Variants in RAPGEF4 observed in about 807,000 individuals in gnomAD.
The protein encoded by RAPGEF4 is RAP guanine-nucleotide-exchange factor (GEF) 4.
RAPGEF4 carries 66 observed loss-of-function variants against 147.9 expected under a neutral mutation model. That is an observed-to-expected ratio of 0.45 (90% CI 0.37 to 0.55). The LOEUF is 0.55. Ranked by LOEUF, RAPGEF4 falls within the 20% of genes least tolerant of loss-of-function variation. RAPGEF4 has a pLI of 0.00. For synonymous variants in RAPGEF4, 419 were observed against 442.7 expected (o/e 0.95, Z 0.67); for missense variants, 1,071 against 1,257.3 (o/e 0.85, Z 2.24).
intron 6 of RAPGEF4, among the ~76,000 whole-genome samples, chr2:172,960,427 G>A (rs1559146324): frequency 6.6e-6 from 1 of 152,000 alleles, no homozygotes; most frequent in Non-Finnish European, 1.5e-5. Context: ...TGTTTATCTT[G>A]TTTTGCTTTT....
intron 4 of RAPGEF4, among the ~76,000 whole-genome samples, chr2:172,870,243 G>A (rs1425700802): frequency 3.9e-5 from 6 of 152,016 alleles, no homozygotes; most frequent in South Asian, 4.2e-4. Context: ...ATCATGACCC[G>A]GTACACTATA....
chr2:172,864,374 T>A (rs56407806), intron 4 of RAPGEF4, among the ~76,000 whole-genome samples: 1 of 152,072 alleles, frequency 6.6e-6, no homozygotes, highest in Non-Finnish European at 1.5e-5. Flanking sequence ...GGAAAGAACA[T>A]TGGGCTTCAT....
intron 3 of RAPGEF4, among the ~76,000 whole-genome samples, chr2:172,807,248 T>C (rs1439798803): frequency 6.6e-6 from 1 of 152,246 alleles, no homozygotes; most frequent in African/African-American, 2.4e-5. Flanking sequence ...CAAAACTGCG[T>C]CACAATGCTG....
chr2:172,957,552 G>A (rs1688865810), intron 6 of RAPGEF4, among the ~76,000 whole-genome samples: 1 of 152,216 alleles, frequency 6.6e-6, no homozygotes, highest in South Asian at 2.1e-4. Flanking sequence ...GTGGTATATT[G>A]CCTAACTGAA....
chr2:172,833,180 G>A (rs181919664), intron 4 of RAPGEF4, among the ~76,000 whole-genome samples: 75 of 150,324 alleles, frequency 5.0e-4, no homozygotes, highest in African/African-American at 1.7e-3. Context: ...CTCCAGCCTG[G>A]GCGACAGAGC....
At chr2:172,928,554 T>C (rs3769258) in intron 6 of RAPGEF4, among the ~76,000 whole-genome samples, 74,293 of 152,034 alleles carry the variant, frequency 0.49, 19,106 homozygotes, top group East Asian at 0.68. Context: ...TGATGATTCA[T>C]TGCTATATTT....
At chr2:172,751,588 T>G (rs1192755985) in intron 1 of RAPGEF4, among the ~76,000 whole-genome samples, 1 of 152,098 alleles carries the variant, frequency 6.6e-6, no homozygotes, top group African/African-American at 2.4e-5. Context: ...GGGAAGAGAC[T>G]GAGGGGTAGT....
intron 1 of RAPGEF4, among the ~76,000 whole-genome samples, chr2:172,782,476 A>T (rs996672179): frequency 6.6e-6 from 1 of 152,172 alleles, no homozygotes; most frequent in African/African-American, 2.4e-5. Context: ...GAAGGACCTG[A>T]CTCAAGAGAG....
intron 11 of RAPGEF4, 133 bp from the exon 12 acceptor site, chr2:172,985,300 A>G (rs1575445414): frequency 2.5e-6 from 3 of 1,218,782 alleles, no homozygotes; most frequent in East Asian, 4.8e-5. Flanking sequence ...TGAGAGCAGC[A>G]GCAAGAGAGG....
At chr2:172,866,069 G>T (rs1253805162) in intron 4 of RAPGEF4, among the ~76,000 whole-genome samples, 2 of 151,900 alleles carry the variant, frequency 1.3e-5, no homozygotes, top group African/African-American at 4.8e-5. Context: ...ATCCCCAGTG[G>T]ATCCTTCTCA....
At chr2:173,004,265 C>A (rs1694230227) in intron 17 of RAPGEF4, among the ~76,000 whole-genome samples, 1 of 152,106 alleles carries the variant, frequency 6.6e-6, no homozygotes, top group Admixed American at 6.5e-5. Context: ...ATTCATTAGA[C>A]ACAGTTTGGA....
intron 1 of RAPGEF4, among the ~76,000 whole-genome samples, chr2:172,737,375 CA>C (rs1481687247): frequency 3.3e-5 from 5 of 152,074 alleles, no homozygotes; most frequent in Non-Finnish European, 7.4e-5. Context: ...TTTAATAGTT[CA>C]GGAAAAAGGA....
chr2:172,840,729 G>A (rs1691489310), intron 4 of RAPGEF4, among the ~76,000 whole-genome samples: 1 of 152,252 alleles, frequency 6.6e-6, no homozygotes, highest in African/African-American at 2.4e-5. Context: ...AAAGCATCAA[G>A]TGAAGCTGCC....
At position 173,024,438 on chromosome 2, in the gene RAPGEF4, C is replaced by T. The variant is rs559464326; in HGVS notation, c.2254-2134C>T. The stretch of plus-strand genomic sequence containing the variant: ...TTCACCGTTTTAGCCAGGATGGTCT[C>T]GATCTCCTGACCTCGTGATCCGCCC... On this transcript the variant is annotated intron_variant, in intron 23 of 30. Transcript: ENST00000397081. Among the ~76,000 whole-genome samples the T allele has an allele frequency of 1.0e-4, 14 of 140,660 alleles. 1 individual carries two copies. The South Asian group carries it at 2.2e-3, about 22-fold the overall frequency. The allele number at this position is 140,660 out of a possible 152,430, so 92.3% of individuals were successfully genotyped here.
intron 3 of RAPGEF4, among the ~76,000 whole-genome samples, chr2:172,807,755 G>A (rs1194806387): frequency 1.3e-5 from 2 of 152,158 alleles, no homozygotes; most frequent in African/African-American, 2.4e-5. Flanking sequence ...AACATAGCAA[G>A]ACCTCATCTC....
intron 4 of RAPGEF4, among the ~76,000 whole-genome samples, chr2:172,890,545 T>A (rs1484283467): frequency 6.6e-6 from 1 of 152,192 alleles, no homozygotes; most frequent in Non-Finnish European, 1.5e-5. Flanking sequence ...CATTTAGAAC[T>A]TCATCCATTA....
At chr2:172,837,236 C>T (rs1691050559) in intron 4 of RAPGEF4, among the ~76,000 whole-genome samples, 1 of 152,028 alleles carries the variant, frequency 6.6e-6, no homozygotes, top group South Asian at 2.1e-4. Context: ...TGTCATTATG[C>T]TAAGTAGCCA....
At chr2:173,047,138 A>G (rs1051900632) in intron 29 of RAPGEF4, among the ~76,000 whole-genome samples, 1 of 140,982 alleles carries the variant, frequency 7.1e-6, no homozygotes, top group Non-Finnish European at 1.5e-5. Flanking sequence ...CTGAGCAGTA[A>G]AGTGTCCTGA....
chr2:172,752,525 T>A (rs1040003709), intron 1 of RAPGEF4, among the ~76,000 whole-genome samples: 8 of 152,228 alleles, frequency 5.3e-5, no homozygotes, highest in Non-Finnish European at 1.2e-4. Flanking sequence ...ACATTAGACT[T>A]ATGAATATTC....
Sources: allele counts gnomAD v4.1 joint callset (sites outside exome capture counted in the v4.1 genomes callset), GRCh38; gene constraint gnomAD v4.1.1; transcripts MANE v1.5; gene names NCBI Gene and HGNC (gene_info 2026-07-23, HGNC 2026-07-21).